LRRC4C: variants seen among roughly 807,000 people sequenced by gnomAD.
LRRC4C encodes the protein leucine-rich repeat-containing protein 4C.
In LRRC4C, 5 loss-of-function variants were observed where a neutral mutation model predicts 33.6. The observed-to-expected ratio is 0.15, with a 90% CI of 0.08 to 0.31. LRRC4C has a LOEUF of 0.31. Among genes scored for constraint, LRRC4C ranks in the 10% least tolerant of loss-of-function variants. The probability of loss-of-function intolerance (pLI) is 1.00; values close to 1 mark genes in which losing one functional copy is unlikely to be tolerated. For missense variants in LRRC4C, 560 were observed against 796.7 expected (o/e 0.70, Z 3.58); for synonymous variants, 329 against 302.0 (o/e 1.09, Z -0.93).
intron 1 of LRRC4C, among the ~76,000 whole-genome samples, chr11:41,343,311 G>A (rs1951698059): frequency 6.6e-6 from 1 of 152,168 alleles, no homozygotes; most frequent in African/African-American, 2.4e-5. Flanking sequence ...ACAGTGAAGT[G>A]AGTGGTGATT....
chr11:40,422,021 G>T (rs976020299), intron 3 of LRRC4C, among the ~76,000 whole-genome samples: 8 of 152,204 alleles, frequency 5.3e-5, no homozygotes, highest in Admixed American at 1.3e-4. Context: ...CAGGAAATAC[G>T]CTCCTTAGTC....
intron 1 of LRRC4C, among the ~76,000 whole-genome samples, chr11:40,952,130 C>T (rs1386084852): frequency 6.6e-6 from 1 of 151,642 alleles, no homozygotes; most frequent in African/African-American, 2.4e-5. Context: ...ACAAGGTGAA[C>T]ATTATTATTT....
chr11:40,695,154 T>C (rs2136432676), intron 2 of LRRC4C, among the ~76,000 whole-genome samples: 1 of 152,266 alleles, frequency 6.6e-6, no homozygotes, highest in East Asian at 1.9e-4. Context: ...GTGAACAGTG[T>C]GGAGGAAATA....
intron 1 of LRRC4C, among the ~76,000 whole-genome samples, chr11:41,123,962 C>T (rs996287533): frequency 5.3e-5 from 8 of 152,190 alleles, no homozygotes; most frequent in East Asian, 1.9e-4. Context: ...ACTATTGCCA[C>T]AGCATGACTT....
chr11:40,857,014 T>C lies in LRRC4C; in HGVS notation c.-407+76621A>G, dbSNP rs77249724. On this transcript the variant is annotated intron_variant, in intron 2 of 6. Coordinates refer to ENST00000528697, the MANE Select transcript of LRRC4C (RefSeq NM_001258419.2). ...AACATTCAAATCAAACTGTTCATTTTATAGATGAGGCCTAAAGACATAGGT... is the reference window on the plus strand; with the variant it reads ...AACATTCAAATCAAACTGTTCATTTCATAGATGAGGCCTAAAGACATAGGT... 2.2e-3 allele frequency among the ~76,000 whole-genome samples: 328 copies of C among 152,284 alleles called. 2 individuals are homozygous for C. The highest frequency in any genetic ancestry group is 7.7e-3 in the African/African-American group (318 of 41,566).
intron 1 of LRRC4C, among the ~76,000 whole-genome samples, chr11:41,249,169 G>C (rs1169155726): frequency 6.6e-6 from 1 of 151,856 alleles, no homozygotes; most frequent in Non-Finnish European, 1.5e-5. Flanking sequence ...CGAGTACCTG[G>C]GACTACAGGC....
intron 1 of LRRC4C, among the ~76,000 whole-genome samples, chr11:41,132,152 C>T (rs2135844169): frequency 6.6e-6 from 1 of 152,180 alleles, no homozygotes; most frequent in South Asian, 2.1e-4. Flanking sequence ...TGGATCAGAC[C>T]CTTTTCCAGT....
chr11:40,157,011 A>G (rs958148594), intron 5 of LRRC4C, among the ~76,000 whole-genome samples: 1 of 152,180 alleles, frequency 6.6e-6, no homozygotes, highest in Non-Finnish European at 1.5e-5. Context: ...CTGATTTCAA[A>G]CTTCACTATA....
chr11:41,041,315 A>C (rs930567076), intron 1 of LRRC4C, among the ~76,000 whole-genome samples: 21 of 152,184 alleles, frequency 1.4e-4, no homozygotes, highest in Non-Finnish European at 2.9e-4. Flanking sequence ...CTTCTCAGAA[A>C]TACGAGGAAA....
intron 4 of LRRC4C, among the ~76,000 whole-genome samples, chr11:40,261,187 C>A (rs941631269): frequency 5.3e-5 from 8 of 152,060 alleles, no homozygotes; most frequent in Non-Finnish European, 1.0e-4. Flanking sequence ...CTCACCCAGC[C>A]TGAAAACAAT....
At position 40,840,488 on chromosome 11, in the gene LRRC4C, T is replaced by G. The variant is rs371281572; in HGVS notation, c.-407+93147A>C. Among the ~76,000 whole-genome samples, 28 of 152,300 alleles carry G rather than the reference T, an allele frequency of 1.8e-4. No homozygotes were observed. In the South Asian group the frequency reaches 5.2e-3, roughly 28 times the overall value. ...AGATTTTAGAGTTGTGACTAATAAA[T>G]TTTTACAATAAATGAAATAGCTGGA... is the stretch of plus-strand genomic sequence containing the variant. On this transcript the variant is annotated intron_variant, in intron 2 of 6. Coordinates refer to ENST00000528697, the MANE Select transcript of LRRC4C (RefSeq NM_001258419.2).
chr11:41,129,820 T>C (rs1001320683), intron 1 of LRRC4C, among the ~76,000 whole-genome samples: 1 of 151,984 alleles, frequency 6.6e-6, no homozygotes, highest in African/African-American at 2.4e-5. Flanking sequence ...TTACAGGTTA[T>C]AGACCCTTTT....
intron 2 of LRRC4C, among the ~76,000 whole-genome samples, chr11:40,808,404 T>C (rs1190223101): frequency 1.3e-5 from 2 of 152,200 alleles, no homozygotes; most frequent in Non-Finnish European, 2.9e-5. Flanking sequence ...CTATACCTAT[T>C]ACTCAAGTCA....
At chr11:41,302,556 C>T (rs566906041) in intron 1 of LRRC4C, among the ~76,000 whole-genome samples, 14 of 152,018 alleles carry the variant, frequency 9.2e-5, no homozygotes, top group African/African-American at 2.4e-4. Context: ...TGGCACAAAT[C>T]GGTAACATTT....
At chr11:41,316,909 CTG>C (rs1354450058) in intron 1 of LRRC4C, among the ~76,000 whole-genome samples, 1 of 152,198 alleles carries the variant, frequency 6.6e-6, no homozygotes, top group Non-Finnish European at 1.5e-5. Flanking sequence ...TGGCAAGAAA[CTG>C]TGCTGGATAT....
At chr11:41,399,689 C>G (rs754049701) in intron 1 of LRRC4C, among the ~76,000 whole-genome samples, 1 of 151,918 alleles carries the variant, frequency 6.6e-6, no homozygotes, top group Non-Finnish European at 1.5e-5. Context: ...CAGTTTTTCA[C>G]ACTAAGGATT....
intron 6 of LRRC4C, 25 bp from the exon 7 acceptor site, chr11:40,116,359 C>A: frequency 6.6e-7 from 1 of 1,515,548 alleles, no homozygotes; most frequent in Non-Finnish European, 8.8e-7. Flanking sequence ...CAAAAAAAAC[C>A]AATTATTAGA....
At chr11:40,195,634 C>A (rs1055662168) in intron 5 of LRRC4C, among the ~76,000 whole-genome samples, 3 of 150,876 alleles carry the variant, frequency 2.0e-5, no homozygotes, top group African/African-American at 7.3e-5. Flanking sequence ...GGTATTTTGT[C>A]AAGAATCATT....
At position 40,932,692 on chromosome 11, in the gene LRRC4C, C is replaced by T. The variant is rs533979375; in HGVS notation, c.-407+943G>A. Reference sequence around the variant, plus strand: ...TTTTAAGGTTTAAAGAAGAAAAATTCGGTGCTGTGCACATCAAATAGCCTC... The same window carrying T: ...TTTTAAGGTTTAAAGAAGAAAAATTTGGTGCTGTGCACATCAAATAGCCTC... On this transcript the variant is annotated intron_variant, in intron 2 of 6. Transcript: ENST00000528697. Among the ~76,000 whole-genome samples, 11 of 152,218 alleles carry T rather than the reference C, an allele frequency of 7.2e-5. No homozygotes were observed. In the South Asian group the frequency reaches 1.2e-3, roughly 17 times the overall value.
Sources: gnomAD v4.1 joint callset for allele counts (sites outside exome capture counted in the v4.1 genomes callset) on GRCh38, gnomAD v4.1.1 for gene constraint, MANE v1.5 for transcripts, NCBI Gene and HGNC (gene_info 2026-07-23, HGNC 2026-07-21) for gene names.